EYA1: variants seen among roughly 807,000 people sequenced by gnomAD.
The protein encoded by EYA1 is protein phosphatase EYA1.
EYA1 carries 16 observed loss-of-function variants against 82.0 expected under a neutral mutation model. The observed-to-expected ratio is 0.20, with a 90% CI of 0.13 to 0.30. EYA1 has a LOEUF of 0.30. Ranked by LOEUF, EYA1 falls within the 10% of genes least tolerant of loss-of-function variation. The pLI is 1.00. For synonymous variants in EYA1, 261 were observed against 264.4 expected (o/e 0.99, Z 0.12); for missense variants, 633 against 730.7 (o/e 0.87, Z 1.54).
chr8:71,489,744 A>G (rs924854035), intron 2 of EYA1, among the ~76,000 whole-genome samples: 3 of 152,266 alleles, frequency 2.0e-5, no homozygotes, highest in Non-Finnish European at 4.4e-5. Flanking sequence ...AAACTTGCAC[A>G]TGATTTGGAA....
chr8:71,463,752 T>C (rs1247547881), intron 2 of EYA1, among the ~76,000 whole-genome samples: 3 of 151,752 alleles, frequency 2.0e-5, no homozygotes, highest in Non-Finnish European at 2.9e-5. Context: ...TTCCCATTCC[T>C]ACCGGTCTGC....
At chr8:71,224,443 C>T (rs1810320858) in intron 12 of EYA1, among the ~76,000 whole-genome samples, 2 of 152,218 alleles carry the variant, frequency 1.3e-5, no homozygotes, top group Admixed American at 1.3e-4. Flanking sequence ...AGGAAGTGAT[C>T]ATTGGGTTCT....
intron 2 of EYA1, among the ~76,000 whole-genome samples, chr8:71,479,790 T>C (rs1270635075): frequency 6.6e-6 from 1 of 152,158 alleles, no homozygotes; most frequent in African/African-American, 2.4e-5. Flanking sequence ...TTTCCTAAGA[T>C]ACCTGAACAC....
At chr8:71,527,623 T>C (rs974348416) in intron 2 of EYA1, among the ~76,000 whole-genome samples, 1 of 152,188 alleles carries the variant, frequency 6.6e-6, no homozygotes, top group African/African-American at 2.4e-5. Context: ...AGTAAAATCC[T>C]TGGATTCCCC....
At chr8:71,448,842 T>A (rs976711088) in intron 2 of EYA1, 87 of 168,206 alleles carry the variant, frequency 5.2e-4, no homozygotes, top group African/African-American at 2.0e-3. Flanking sequence ...GAAACTGAAC[T>A]TTTCTGTCAA....
Position 71,321,768 on chromosome 8 carries a change from T to C in EYA1, c.384A>G (p.Pro128=), listed in dbSNP as rs762913685. The C allele has an allele frequency of 5.6e-6, 9 of 1,614,080 alleles. No homozygotes were observed. Among genetic ancestry groups the C allele is most frequent in the Admixed American group, 3.3e-5 (2 of 60,010 alleles). The change falls in exon 6 of 18, where the codon CCA becomes CCG. Residue 128 remains proline (P), a synonymous_variant. Coordinates refer to ENST00000340726, the MANE Select transcript of EYA1 (RefSeq NM_000503.6). ...AAATGCCGTACGGCTGTCCTGGCTG[T>C]GGGTACGTGGCATAGGCTGTAGCTT... ...MQQATAYATY[P]QPGQPYGISS... is the part of the protein sequence containing the mutation.
At chr8:71,530,629 A>C (rs1814190368) in intron 2 of EYA1, among the ~76,000 whole-genome samples, 1 of 152,212 alleles carries the variant, frequency 6.6e-6, no homozygotes, top group African/African-American at 2.4e-5. Context: ...CATGTGTATT[A>C]TACTTGTATA....
At chr8:71,486,602 A>G (rs1810589019) in intron 2 of EYA1, among the ~76,000 whole-genome samples, 3 of 152,330 alleles carry the variant, frequency 2.0e-5, no homozygotes, top group African/African-American at 4.8e-5. Flanking sequence ...CAGAGAAAAA[A>G]GACCTGGATC....
chr8:71,340,739 T>C (rs530058999), intron 3 of EYA1, among the ~76,000 whole-genome samples: 20 of 152,204 alleles, frequency 1.3e-4, no homozygotes, highest in African/African-American at 3.9e-4. Context: ...AACTGCTTCA[T>C]GACCTAAAAT....
At chr8:71,357,752 G>A (rs969267319) in intron 1 of EYA1, among the ~76,000 whole-genome samples, 9 of 152,112 alleles carry the variant, frequency 5.9e-5, no homozygotes, top group African/African-American at 2.2e-4. Flanking sequence ...ATAATGTTAC[G>A]TAAAATTTCT....
intron 2 of EYA1, among the ~76,000 whole-genome samples, chr8:71,450,190 TAAC>T (rs564756837): frequency 6.6e-6 from 1 of 152,232 alleles, no homozygotes; most frequent in South Asian, 2.1e-4. Context: ...TCTTTTGAAT[TAAC>T]AACTTGGCTA....
chr8:71,533,524 C>T (rs1213669310), intron 2 of EYA1, among the ~76,000 whole-genome samples: 1 of 152,270 alleles, frequency 6.6e-6, no homozygotes, highest in Middle Eastern at 3.4e-3. Flanking sequence ...CTTTTCAATT[C>T]CTTAAGGAGA....
intron 2 of EYA1, among the ~76,000 whole-genome samples, chr8:71,475,503 A>G (rs1809591905): frequency 6.6e-6 from 1 of 152,238 alleles, no homozygotes; most frequent in South Asian, 2.1e-4. Context: ...AGGCAAAAAT[A>G]TAAAGTAAAA....
rs551597748 is a variant in EYA1, at chr8:71,361,918, C to G, written c.-326G>C. 14 of 985,442 alleles carry G rather than the reference C, an allele frequency of 1.4e-5. No homozygotes were observed. In the South Asian group the frequency reaches 3.3e-4, roughly 23 times the overall value. The allele number at this position is 985,442 out of a possible 1,614,324, so 61.0% of individuals were successfully genotyped here. A position where few individuals can be genotyped will look rare whatever the true frequency, so the allele number is the denominator to read the frequency against. ...CCAGGAAGAAACCCGCCACAGTGGA[C>G]GGCAACAGGAAGGCTTAAAGTCGGA... is the stretch of plus-strand genomic sequence containing the variant. On this transcript the variant is annotated 5_prime_UTR_variant, in exon 1 of 18. Transcript: ENST00000340726.
chr8:71,402,932 G>T (rs1041136530), intron 2 of EYA1, among the ~76,000 whole-genome samples: 6 of 152,168 alleles, frequency 3.9e-5, no homozygotes, highest in Non-Finnish European at 8.8e-5. Context: ...ACACTATGCA[G>T]AGATCAATTC....
chr8:71,429,576 A>T (rs1468587376), intron 2 of EYA1, among the ~76,000 whole-genome samples: 1 of 152,090 alleles, frequency 6.6e-6, no homozygotes, highest in African/African-American at 2.4e-5. Flanking sequence ...TCACTTACCT[A>T]ATATGATGAA....
At chr8:71,354,021 T>C (rs1047734927) in intron 3 of EYA1, among the ~76,000 whole-genome samples, 1 of 152,152 alleles carries the variant, frequency 6.6e-6, no homozygotes, top group Non-Finnish European at 1.5e-5. Flanking sequence ...GTTCTAAAAA[T>C]ATGCATAGTA....
chr8:71,451,504 A>C (rs1020201052), intron 2 of EYA1, among the ~76,000 whole-genome samples: 1 of 152,180 alleles, frequency 6.6e-6, no homozygotes, highest in Non-Finnish European at 1.5e-5. Flanking sequence ...AATATATGAA[A>C]TATATGAAAT....
chr8:71,291,983 T>G (rs576212198), intron 9 of EYA1, among the ~76,000 whole-genome samples: 93 of 152,228 alleles, frequency 6.1e-4, no homozygotes, highest in South Asian at 1.2e-3. Context: ...GCCAAATTAT[T>G]TAAATACAGC....
Sources: allele counts gnomAD v4.1 joint callset (sites outside exome capture counted in the v4.1 genomes callset), GRCh38; gene constraint gnomAD v4.1.1; transcripts MANE v1.5; gene names NCBI Gene and HGNC (gene_info 2026-07-23, HGNC 2026-07-21).